Variants in MAN1A2 observed in about 807,000 individuals in gnomAD.
MAN1A2 encodes mannosyl-oligosaccharide 1,2-alpha-mannosidase IB.
Under a neutral mutation model 75.7 loss-of-function variants are expected in MAN1A2, and 26 were observed. That is an observed-to-expected ratio of 0.34 (90% CI 0.25 to 0.48). The LOEUF (loss-of-function observed/expected upper bound fraction) is 0.48. MAN1A2 is among the 20% of genes least tolerant of loss of function. MAN1A2 has a pLI of 0.99. For missense variants in MAN1A2, 562 were observed against 775.5 expected (o/e 0.72, Z 3.27); for synonymous variants, 247 against 264.6 (o/e 0.93, Z 0.65).
chr1:117,437,329 A>C (rs770822618), intron 5 of MAN1A2, among the ~76,000 whole-genome samples: 5 of 152,224 alleles, frequency 3.3e-5, no homozygotes, highest in Non-Finnish European at 7.4e-5. Flanking sequence ...GACAGCTGAC[A>C]GTGGAGTTCT....
rs145835482 is a variant in MAN1A2, at chr1:117,393,960, A to G, written c.303-8226A>G. Among the ~76,000 whole-genome samples, 1,276 of 152,166 alleles carry G rather than the reference A, an allele frequency of 8.4e-3. 10 individuals carry two copies. The highest frequency in any genetic ancestry group is 0.017 in the Middle Eastern group (5 of 294). On this transcript the variant is annotated intron_variant, in intron 1 of 12. Coordinates refer to ENST00000356554, the MANE Select transcript of MAN1A2 (RefSeq NM_006699.5). Reference sequence around the variant, plus strand: ...CAATAGATAGGGAGGGAAGGAAATTATGTTTACTGAGTACCTGCTGTCTGC... The same window carrying G: ...CAATAGATAGGGAGGGAAGGAAATTGTGTTTACTGAGTACCTGCTGTCTGC...
chr1:117,399,390 TC>T (rs1056027847), intron 1 of MAN1A2, among the ~76,000 whole-genome samples: 2 of 152,148 alleles, frequency 1.3e-5, no homozygotes, highest in African/African-American at 4.8e-5. Flanking sequence ...TGGGGCAATC[TC>T]CCCATTTGTC....
intron 1 of MAN1A2, 70 bp downstream of exon 1, chr1:117,368,555 T>G: frequency 7.3e-7 from 1 of 1,369,562 alleles, no homozygotes; most frequent in East Asian, 2.3e-5. Flanking sequence ...ATCGAATCTG[T>G]CTTTTTTTTT....
At chr1:117,463,785 C>A (rs1649899590) in intron 7 of MAN1A2, among the ~76,000 whole-genome samples, 2 of 150,398 alleles carry the variant, frequency 1.3e-5, no homozygotes, top group Non-Finnish European at 3.0e-5. Context: ...GAACTCAGAA[C>A]CAAAATAAAA....
chr1:117,384,529 C>G (rs1410072129), intron 1 of MAN1A2, among the ~76,000 whole-genome samples: 1 of 151,950 alleles, frequency 6.6e-6, no homozygotes, highest in East Asian at 1.9e-4. Context: ...TGTGGTCTGT[C>G]CTGGAGAATA....
chr1:117,496,020 C>T (rs1309023745), intron 9 of MAN1A2, among the ~76,000 whole-genome samples: 1 of 151,858 alleles, frequency 6.6e-6, no homozygotes, highest in Non-Finnish European at 1.5e-5. Context: ...GACATAGTCA[C>T]TCCAGTTCTG....
intron 1 of MAN1A2, among the ~76,000 whole-genome samples, chr1:117,368,922 C>T (rs1652863715): frequency 6.6e-6 from 1 of 152,154 alleles, no homozygotes. Flanking sequence ...TGTGCTCTCC[C>T]AGAGGGCTCT....
intron 1 of MAN1A2, among the ~76,000 whole-genome samples, chr1:117,387,695 A>C (rs1249400957): frequency 1.3e-5 from 2 of 152,202 alleles, no homozygotes; most frequent in Non-Finnish European, 2.9e-5. Flanking sequence ...GCCTTAACAA[A>C]GTACCATGGA....
chr1:117,475,875 T>C (rs1650297360), intron 8 of MAN1A2, among the ~76,000 whole-genome samples: 1 of 152,294 alleles, frequency 6.6e-6, no homozygotes, highest in African/African-American at 2.4e-5. Context: ...TTTGGGTGTA[T>C]ACCCAGTAAT....
intron 12 of MAN1A2, among the ~76,000 whole-genome samples, chr1:117,516,928 C>A (rs990301461): frequency 6.6e-6 from 1 of 152,076 alleles, no homozygotes; most frequent in African/African-American, 2.4e-5. Context: ...GAAGAACCTA[C>A]CTGAGGTGAG....
In MAN1A2 at chr1:117,526,160, C is replaced by T. The variant is rs548496470; in HGVS notation, c.*3203C>T. The stretch of plus-strand genomic sequence containing the variant: ...GCCATTCTCATTTATAATGCAGTTT[C>T]TCCTTAAGCCTGGAGTTTTTTGAAT... On this transcript the variant is annotated 3_prime_UTR_variant, in exon 13 of 13. Transcript: ENST00000356554. The T allele has an allele frequency of 2.6e-5, 4 of 151,944 alleles. No individual in the cohort carries two copies. The highest frequency in any genetic ancestry group is 9.6e-5 in the African/African-American group (4 of 41,520). 9.4% of individuals were successfully genotyped at this position (151,944 alleles called of 1,614,324 possible). A position where few individuals can be genotyped will look rare whatever the true frequency, so the allele number is the denominator to read the frequency against.
intron 8 of MAN1A2, among the ~76,000 whole-genome samples, chr1:117,491,792 A>G (rs189367930): frequency 1.8e-3 from 279 of 152,158 alleles, no homozygotes; most frequent in African/African-American, 6.5e-3. Flanking sequence ...CATTAACAGG[A>G]GTTTGGAAGA....
chr1:117,418,041 C>T (rs1022551220), intron 4 of MAN1A2, among the ~76,000 whole-genome samples: 2 of 152,010 alleles, frequency 1.3e-5, no homozygotes, highest in African/African-American at 4.8e-5. Flanking sequence ...GTAAGATCCT[C>T]CTTCTGAAGA....
intron 5 of MAN1A2, among the ~76,000 whole-genome samples, chr1:117,430,198 CGG>C (rs1648574633): frequency 1.1e-5 from 1 of 93,046 alleles, no homozygotes; most frequent in Non-Finnish European, 2.2e-5. Context: ...GGCGGCTGGC[CGG>C]GCGGGGGGCT....
At chr1:117,404,514 G>C (rs1348799557) in intron 2 of MAN1A2, among the ~76,000 whole-genome samples, 10 of 152,100 alleles carry the variant, frequency 6.6e-5, no homozygotes, top group African/African-American at 9.7e-5. Context: ...TTAAGCATCT[G>C]TCTCTCTTTC....
intron 1 of MAN1A2, among the ~76,000 whole-genome samples, chr1:117,380,505 C>CT (rs1653296730): frequency 6.6e-6 from 1 of 152,030 alleles, no homozygotes; most frequent in South Asian, 2.1e-4. Context: ...GGTTTTAACT[C>CT]TTATTTAGGT....
At chr1:117,478,500 A>C (rs1303415174) in intron 8 of MAN1A2, among the ~76,000 whole-genome samples, 2 of 151,962 alleles carry the variant, frequency 1.3e-5, no homozygotes, top group African/African-American at 4.8e-5. Flanking sequence ...AAGCACGCCT[A>C]ACCCAAGCAC....
chr1:117,484,983 G>A (rs959817208), intron 8 of MAN1A2, among the ~76,000 whole-genome samples: 17 of 151,782 alleles, frequency 1.1e-4, no homozygotes, highest in African/African-American at 3.6e-4. Context: ...AAAAATTCAC[G>A]TGTAAGTGGA....
intron 12 of MAN1A2, among the ~76,000 whole-genome samples, chr1:117,509,186 T>G (rs1178236912): frequency 6.6e-6 from 1 of 151,722 alleles, no homozygotes; most frequent in Non-Finnish European, 1.5e-5. Flanking sequence ...GGAAAACATT[T>G]CTTAAAATTA....
Sources: gnomAD v4.1 joint callset for allele counts (sites outside exome capture counted in the v4.1 genomes callset) on GRCh38, gnomAD v4.1.1 for gene constraint, MANE v1.5 for transcripts, NCBI Gene and HGNC (gene_info 2026-07-23, HGNC 2026-07-21) for gene names.